The following SNAP25 variants were observed in gnomAD, a reference collection of about 807,000 sequenced individuals.
SNAP25 encodes the protein synaptosome associated protein 25, also known as synaptosomal-associated protein 25.
A neutral mutation model predicts 28.7 loss-of-function variants in SNAP25; 3 were observed. The ratio of observed to expected loss-of-function variants is 0.10; its 90% CI spans 0.05 to 0.27. The LOEUF (loss-of-function observed/expected upper bound fraction) is 0.27. Ranked by LOEUF, SNAP25 falls within the 10% of genes least tolerant of loss-of-function variation. The probability of loss-of-function intolerance (pLI) is 1.00; values close to 1 mark genes in which losing one functional copy is unlikely to be tolerated. For synonymous variants in SNAP25, 61 were observed against 88.1 expected (o/e 0.69, Z 1.72); for missense variants, 117 against 278.7 (o/e 0.42, Z 4.13).
intron 4 of SNAP25, among the ~76,000 whole-genome samples, chr20:10,286,564 C>T (rs1600759290): frequency 1.3e-5 from 2 of 152,124 alleles, no homozygotes; most frequent in East Asian, 3.9e-4. Flanking sequence ...TGTGCTCAGC[C>T]ATTGGCTTGA....
At chr20:10,264,666 G>A (rs1374165683) in intron 1 of SNAP25, among the ~76,000 whole-genome samples, 1 of 152,086 alleles carries the variant, frequency 6.6e-6, no homozygotes, top group African/African-American at 2.4e-5. Context: ...AGTTTGGATA[G>A]TTTATCATAA....
At chr20:10,246,626 T>C (rs932964141) in intron 1 of SNAP25, among the ~76,000 whole-genome samples, 6 of 152,180 alleles carry the variant, frequency 3.9e-5, no homozygotes, top group African/African-American at 1.4e-4. Flanking sequence ...AAAACTCACT[T>C]TGCAGACAAG....
chr20:10,270,194 T>C (rs911249414), intron 1 of SNAP25, among the ~76,000 whole-genome samples: 1 of 151,794 alleles, frequency 6.6e-6, no homozygotes. Context: ...GCAGAGGTTG[T>C]GGTGAGCCGA....
intron 3 of SNAP25, among the ~76,000 whole-genome samples, chr20:10,281,711 T>A (rs1281343919): frequency 3.3e-5 from 5 of 152,210 alleles, no homozygotes; most frequent in African/African-American, 1.2e-4. Context: ...ATCATTATTT[T>A]TCTTTGAGAA....
At chr20:10,297,149 C>A in intron 6 of SNAP25, 99 bp downstream of exon 6, 2 of 1,348,990 alleles carry the variant, frequency 1.5e-6, no homozygotes, top group South Asian at 3.2e-5. Flanking sequence ...TTTTATTGCT[C>A]ATTAATCTAC....
Position 10,293,327 on chromosome 20 carries a change from C to T in SNAP25, c.281+49C>T, listed in dbSNP as rs756427698. ...AGCTTTGATTTCCCAAGGCCCATCT[C>T]CAAGCCTTGACAAGCTCATTCCTGC... On this transcript the variant is annotated intron_variant, in intron 5 of 7. Transcript: ENST00000254976. This position sits in a 1 kb window ranked among gnomAD's most constrained non-coding sequence, Gnocchi z 5.6. 6.2e-6 allele frequency: 9 copies of T among 1,445,950 alleles called. No homozygotes were observed. In the Admixed American group the frequency reaches 1.3e-4, roughly 22 times the overall value. The allele number at this position is 1,445,950 out of a possible 1,614,324, so 89.6% of individuals were successfully genotyped here.
chr20:10,288,367 A>T (rs774825271), intron 4 of SNAP25, among the ~76,000 whole-genome samples: 6 of 152,158 alleles, frequency 3.9e-5, no homozygotes, highest in Non-Finnish European at 8.8e-5. Flanking sequence ...AAAGACATGG[A>T]AAATAATATA....
intron 1 of SNAP25, among the ~76,000 whole-genome samples, chr20:10,236,628 G>A (rs1216634923): frequency 6.6e-6 from 1 of 152,062 alleles, no homozygotes; most frequent in Non-Finnish European, 1.5e-5. Context: ...CTTTGGTAAT[G>A]GGAACACAAG....
chr20:10,230,398 G>A (rs1361690540), intron 1 of SNAP25, among the ~76,000 whole-genome samples: 1 of 152,152 alleles, frequency 6.6e-6, no homozygotes, highest in Non-Finnish European at 1.5e-5. Context: ...CAGTTAATAA[G>A]AGAGAGAACT....
At chr20:10,269,977 G>A (rs966769627) in intron 1 of SNAP25, among the ~76,000 whole-genome samples, 4 of 152,216 alleles carry the variant, frequency 2.6e-5, no homozygotes, top group East Asian at 1.9e-4. Context: ...ACTCCAGCCC[G>A]GCACGGTGGC....
At chr20:10,235,219 C>A (rs1294648559) in intron 1 of SNAP25, among the ~76,000 whole-genome samples, 1 of 152,082 alleles carries the variant, frequency 6.6e-6, no homozygotes, top group Non-Finnish European at 1.5e-5. Flanking sequence ...GGCAACAGAG[C>A]AAGACCTCAT....
At chr20:10,258,208 G>A (rs1019116476) in intron 1 of SNAP25, among the ~76,000 whole-genome samples, 2 of 152,080 alleles carry the variant, frequency 1.3e-5, no homozygotes, top group Non-Finnish European at 2.9e-5. Context: ...AACTGCAAAG[G>A]TGACACTTTT....
chr20:10,262,519 C>T (rs1402652769), intron 1 of SNAP25, among the ~76,000 whole-genome samples: 1 of 152,150 alleles, frequency 6.6e-6, no homozygotes, highest in African/African-American at 2.4e-5. Context: ...TCTTTTTCCC[C>T]TCTTTTCCTG....
chr20:10,293,610 G>C lies in SNAP25; in HGVS notation c.281+332G>C, dbSNP rs2064044608. On this transcript the variant is annotated intron_variant, in intron 5 of 7. Transcript: ENST00000254976. The surrounding 1 kb of genome is among the most constrained non-coding windows in gnomAD (Gnocchi z 5.6). ...AACTTCCTTTTCCCCAACCCCAAGA[G>C]TCAAAATTACAGATTTAGAAAAGGC... 6.6e-6 allele frequency among the ~76,000 whole-genome samples: 1 copy of C among 152,162 alleles called. No homozygotes were observed. The highest frequency in any genetic ancestry group is 6.5e-5 in the Admixed American group (1 of 15,286).
intron 7 of SNAP25, among the ~76,000 whole-genome samples, chr20:10,302,569 CT>C (rs973852681): frequency 9.1e-4 from 139 of 152,132 alleles, no homozygotes; most frequent in African/African-American, 3.2e-3. Context: ...TCCTTCTAAA[CT>C]TTTACTGGCT....
chr20:10,266,098 A>T (rs915722664), intron 1 of SNAP25, among the ~76,000 whole-genome samples: 1 of 152,164 alleles, frequency 6.6e-6, no homozygotes, highest in African/African-American at 2.4e-5. Context: ...TGCGGCATAG[A>T]ATGTTAGAAT....
At chr20:10,246,798 A>G (rs1172392558) in intron 1 of SNAP25, among the ~76,000 whole-genome samples, 1 of 152,220 alleles carries the variant, frequency 6.6e-6, no homozygotes. Flanking sequence ...GCTGGGTACA[A>G]TATTCCTGTT....
At chr20:10,258,664 A>C (rs1403085589) in intron 1 of SNAP25, among the ~76,000 whole-genome samples, 1 of 152,246 alleles carries the variant, frequency 6.6e-6, no homozygotes, top group Non-Finnish European at 1.5e-5. Context: ...TAACTGGAGA[A>C]GTCAAATTTA....
In SNAP25 at chr20:10,224,257, C is replaced by CTTTTTTTTTTTTTTTTTTTTTTTTT. The variant is rs71332917; in HGVS notation, c.-64+5291_-64+5315dup. ...AATAAGGCATAGAGAATGTACATGTCTTTTTTTTTTTTTTTTTTTTTTTTT... is the reference window on the plus strand; with the variant it reads ...AATAAGGCATAGAGAATGTACATGTCTTTTTTTTTTTTTTTTTTTTTTTTTTTTTTTTTTTTTTTTTTTTTTTTTT... On this transcript the variant is annotated intron_variant, in intron 1 of 7. Transcript: ENST00000254976. Among the ~76,000 whole-genome samples, 20 of 17,432 alleles carry CTTTTTTTTTTTTTTTTTTTTTTTTT rather than the reference C, an allele frequency of 1.1e-3. 9 individuals are homozygous for CTTTTTTTTTTTTTTTTTTTTTTTTT. The highest frequency in any genetic ancestry group is 1.4e-3 in the Non-Finnish European group (15 of 10,570). The allele number at this position is 17,432 out of a possible 152,430, so 11.4% of individuals were successfully genotyped here. A position where few individuals can be genotyped will look rare whatever the true frequency, so the allele number is the denominator to read the frequency against.
Sources: allele counts gnomAD v4.1 joint callset (sites outside exome capture counted in the v4.1 genomes callset), GRCh38; gene constraint gnomAD v4.1.1; non-coding constraint Gnocchi (gnomAD v3.1); transcripts MANE v1.5; gene names NCBI Gene and HGNC (gene_info 2026-07-23, HGNC 2026-07-21).